Variants in STX18 observed in about 807,000 individuals in gnomAD.
The protein encoded by STX18 is syntaxin-18.
STX18 carries 40 observed loss-of-function variants against 50.1 expected under a neutral mutation model. The ratio of observed to expected loss-of-function variants is 0.80; its 90% CI spans 0.62 to 1.04. The LOEUF is 1.04. STX18 is among the 50% of genes least tolerant of loss of function. The pLI is 0.00. For missense variants in STX18, 410 were observed against 415.8 expected (o/e 0.99, Z 0.12); for synonymous variants, 158 against 151.8 (o/e 1.04, Z -0.30).
chr4:4,430,823 G>A (rs951002433), intron 7 of STX18, among the ~76,000 whole-genome samples: 10 of 152,178 alleles, frequency 6.6e-5, no homozygotes, highest in Non-Finnish European at 1.2e-4. Flanking sequence ...CAGCGCTTGA[G>A]ACAATTCTGT....
chr4:4,514,800 T>C (rs906426885), intron 1 of STX18, among the ~76,000 whole-genome samples: 4 of 151,964 alleles, frequency 2.6e-5, no homozygotes, highest in Non-Finnish European at 5.9e-5. Flanking sequence ...GACTAGAGAA[T>C]TCTTTCTTTG....
intron 1 of STX18, among the ~76,000 whole-genome samples, chr4:4,486,614 G>A (rs1218634506): frequency 1.3e-5 from 2 of 152,166 alleles, no homozygotes; most frequent in Non-Finnish European, 2.9e-5. Flanking sequence ...AGAGAAGAGA[G>A]GCCAAGTTAA....
chr4:4,497,615 A>T (rs1482930568), intron 1 of STX18, among the ~76,000 whole-genome samples: 1 of 152,196 alleles, frequency 6.6e-6, no homozygotes, highest in African/African-American at 2.4e-5. Flanking sequence ...CATAGGAGAA[A>T]ACTGAGGCCC....
At chr4:4,452,730 T>C (rs1560171109) in intron 5 of STX18, among the ~76,000 whole-genome samples, 1 of 152,204 alleles carries the variant, frequency 6.6e-6, no homozygotes, top group Non-Finnish European at 1.5e-5. Flanking sequence ...TCATAGGCTA[T>C]AGCTGCTATA....
chr4:4,533,046 T>C (rs775190710), intron 1 of STX18, among the ~76,000 whole-genome samples: 13 of 152,186 alleles, frequency 8.5e-5, no homozygotes, highest in Non-Finnish European at 1.2e-4. Context: ...TTAGTATTCA[T>C]AGTCTTTGAG....
chr4:4,424,540 G>A (rs1725146221), intron 8 of STX18, among the ~76,000 whole-genome samples: 1 of 152,130 alleles, frequency 6.6e-6, no homozygotes, highest in Admixed American at 6.5e-5. Flanking sequence ...CCCCTTGGAG[G>A]CTGACACCTA....
chr4:4,517,019 T>C (rs1314567352), intron 1 of STX18, among the ~76,000 whole-genome samples: 2 of 152,244 alleles, frequency 1.3e-5, no homozygotes, highest in African/African-American at 2.4e-5. Flanking sequence ...TAGCATCGGT[T>C]ACAATGCCAC....
upstream of STX18, chr4:4,542,062 A>C: frequency 2.3e-6 from 3 of 1,291,066 alleles, no homozygotes; most frequent in South Asian, 1.9e-5. Flanking sequence ...CCTGCCCCAC[A>C]CGCCTCCCCC....
rs34174730 is a variant in STX18 at position 4,436,950 on chromosome 4, C to CTTTTTTTTT, written c.613+1435_613+1443dup. 5.1e-5 allele frequency among the ~76,000 whole-genome samples: 6 copies of CTTTTTTTTT among 116,774 alleles called. 2 individuals are homozygous for CTTTTTTTTT. The highest frequency in any genetic ancestry group is 2.1e-4 in the African/African-American group (6 of 29,224). The allele number at this position is 116,774 out of a possible 152,430, so 76.6% of individuals were successfully genotyped here. On this transcript the variant is annotated intron_variant, in intron 6 of 10. Coordinates refer to ENST00000306200, the MANE Select transcript of STX18 (RefSeq NM_016930.4). ...TTTTATTTTTTCAGGTCCAGACTCA[C>CTTTTTTTTT]TTTTTTTTTTTTTTTTTTTTTTTTT...
intron 1 of STX18, among the ~76,000 whole-genome samples, chr4:4,535,556 G>A (rs1044964318): frequency 6.6e-6 from 1 of 152,134 alleles, no homozygotes; most frequent in Non-Finnish European, 1.5e-5. Flanking sequence ...TCAAGGAGAG[G>A]GGGAAGGTAA....
intron 1 of STX18, among the ~76,000 whole-genome samples, chr4:4,497,847 T>C (rs1012959656): frequency 6.6e-6 from 1 of 152,210 alleles, no homozygotes; most frequent in African/African-American, 2.4e-5. Flanking sequence ...ATCAACTGTA[T>C]TTAGAATAAA....
At chr4:4,468,378 A>C (rs147685735) in intron 2 of STX18, among the ~76,000 whole-genome samples, 355 of 152,302 alleles carry the variant, frequency 2.3e-3, no homozygotes, top group African/African-American at 8.2e-3. Flanking sequence ...CCTAACTGCA[A>C]AATTCCAGAG....
chr4:4,515,862 G>C (rs1297792442), intron 1 of STX18, among the ~76,000 whole-genome samples: 1 of 151,978 alleles, frequency 6.6e-6, no homozygotes, highest in Non-Finnish European at 1.5e-5. Context: ...CTTTTCTGCA[G>C]TGCAAATTAT....
chr4:4,532,597 C>A (rs1382104080), intron 1 of STX18, among the ~76,000 whole-genome samples: 3 of 152,096 alleles, frequency 2.0e-5, no homozygotes, highest in African/African-American at 7.2e-5. Flanking sequence ...CTGAGTCATG[C>A]AACCATCTCA....
rs550202936 is a variant in STX18 at position 4,444,617 on chromosome 4, C to T, written c.498-6108G>A. 2.1e-4 allele frequency among the ~76,000 whole-genome samples: 32 copies of T among 152,182 alleles called. 1 individual carries two copies. Among genetic ancestry groups the T allele is most frequent in the Non-Finnish European group, 3.4e-4 (23 of 68,028 alleles). Reference sequence around the variant, plus strand: ...CTCTCCTGGAGTTTGCCCTATGTGCCTTTTAGCTTTGGTGATTTTAATCTG... The same window carrying T: ...CTCTCCTGGAGTTTGCCCTATGTGCTTTTTAGCTTTGGTGATTTTAATCTG... On this transcript the variant is annotated intron_variant, in intron 5 of 10. Transcript: ENST00000306200.
intron 5 of STX18, among the ~76,000 whole-genome samples, chr4:4,451,731 C>T (rs1303859612): frequency 6.6e-6 from 1 of 152,174 alleles, no homozygotes; most frequent in East Asian, 1.9e-4. Flanking sequence ...GACTGCTCCC[C>T]GGCCCAGTTG....
chr4:4,435,834 C>T (rs1725746067), intron 6 of STX18, among the ~76,000 whole-genome samples: 1 of 152,140 alleles, frequency 6.6e-6, no homozygotes, highest in Admixed American at 6.5e-5. Context: ...CATGTCAATA[C>T]CACAGGCCCC....
intron 1 of STX18, among the ~76,000 whole-genome samples, chr4:4,517,401 T>G (rs115911193): frequency 2.4e-3 from 363 of 152,312 alleles, no homozygotes; most frequent in Middle Eastern, 0.014. Flanking sequence ...TTTTAGGAAG[T>G]TGGTTTCTTG....
At chr4:4,501,340 TAGGC>T (rs1379326069) in intron 1 of STX18, among the ~76,000 whole-genome samples, 3 of 152,192 alleles carry the variant, frequency 2.0e-5, no homozygotes, top group Admixed American at 6.5e-5. Flanking sequence ...CCCAGCCTCC[TAGGC>T]AGGCAGGCCA....
Sources: gnomAD v4.1 joint callset for allele counts (sites outside exome capture counted in the v4.1 genomes callset) on GRCh38, gnomAD v4.1.1 for gene constraint, MANE v1.5 for transcripts, NCBI Gene and HGNC (gene_info 2026-07-23, HGNC 2026-07-21) for gene names.